The following WNT7B variants were observed in gnomAD, a reference collection of about 807,000 sequenced individuals.
The protein encoded by WNT7B is protein Wnt-7b.
WNT7B carries 19 observed loss-of-function variants against 38.2 expected under a neutral mutation model. That is an observed-to-expected ratio of 0.50 (90% CI 0.35 to 0.73). The LOEUF (loss-of-function observed/expected upper bound fraction) is 0.73. Ranked by LOEUF, WNT7B falls within the 30% of genes least tolerant of loss-of-function variation. The pLI, the probability that WNT7B is intolerant of heterozygous loss-of-function variation, is 0.01. For missense variants in WNT7B, 423 were observed against 507.9 expected (o/e 0.83, Z 1.61); for synonymous variants, 243 against 209.3 (o/e 1.16, Z -1.39).
intron 2 of WNT7B, among the ~76,000 whole-genome samples, chr22:45,939,639 ACACACACACT>A (rs917903979): frequency 1.6e-4 from 24 of 146,304 alleles, no homozygotes; most frequent in African/African-American, 5.4e-4. Flanking sequence ...ACAAACACAC[ACACACACACT>A]CACACACACA....
At chr22:45,927,411 A>G in intron 3 of WNT7B, 2 of 1,535,990 alleles carry the variant, frequency 1.3e-6, no homozygotes, top group Non-Finnish European at 1.8e-6. Flanking sequence ...CCCATCAGGG[A>G]CACCAGCCTG....
intron 2 of WNT7B, among the ~76,000 whole-genome samples, chr22:45,943,780 G>A (rs1457597790): frequency 1.3e-5 from 2 of 152,216 alleles, no homozygotes; most frequent in African/African-American, 4.8e-5. Flanking sequence ...ACAGGGCCCA[G>A]CCCAGGCGGG....
chr22:45,922,570 C>A lies in WNT7B; in HGVS notation c.*286G>T. 2.2e-6 allele frequency: 1 copy of A among 459,220 alleles called. No individual in the cohort carries two copies. The highest frequency in any genetic ancestry group is 3.9e-6 in the Non-Finnish European group (1 of 257,912). The allele number at this position is 459,220 out of a possible 1,614,324, so 28.4% of individuals were successfully genotyped here. On this transcript the variant is annotated 3_prime_UTR_variant, in exon 4 of 4. Coordinates refer to ENST00000339464, the MANE Select transcript of WNT7B (RefSeq NM_058238.3). The stretch of plus-strand genomic sequence containing the variant: ...ATTTTCCCAGAGAGAAGAAAGAGAA[C>A]TTGCCGGGCCCCGTCGGGGAGCACC...
rs147287645 is a variant in WNT7B, at chr22:45,923,323, G to A, written c.583C>T (p.Arg195Trp). The change falls in exon 4 of 4, where the codon CGG becomes TGG. Residue 195 changes from arginine to tryptophan, a missense_variant. Physicochemically the swap from Arg to Trp is moderately radical, Grantham distance 101. Coordinates refer to ENST00000339464, the MANE Select transcript of WNT7B (RefSeq NM_058238.3). ...NEAGRKVLEDRMQLECKCHGV... is the reference protein window; with the variant it reads ...NEAGRKVLEDWMQLECKCHGV... Reference sequence around the variant, plus strand: ...TGGCACTTGCACTCCAGCTGCATCCGGTCCTCTAGAACCTGCGGGTGACAG... The same window carrying A: ...TGGCACTTGCACTCCAGCTGCATCCAGTCCTCTAGAACCTGCGGGTGACAG... 34 of 1,605,480 alleles carry A rather than the reference G, an allele frequency of 2.1e-5. No individual in the cohort carries two copies. The highest frequency in any genetic ancestry group is 1.2e-4 in the African/African-American group (9 of 74,854).
At chr22:45,933,166 T>G (rs888623244) in intron 2 of WNT7B, among the ~76,000 whole-genome samples, 3 of 152,168 alleles carry the variant, frequency 2.0e-5, no homozygotes, top group Admixed American at 6.5e-5. Flanking sequence ...GCTGTCTGTC[T>G]GCCGTCATGG....
chr22:45,957,763 G>C (rs1362495401), intron 1 of WNT7B, among the ~76,000 whole-genome samples: 2 of 148,494 alleles, frequency 1.3e-5, no homozygotes, highest in Admixed American at 1.3e-4. Context: ...TCATGCCCGT[G>C]TGCTTTGTAT....
intron 1 of WNT7B, among the ~76,000 whole-genome samples, chr22:45,973,509 C>T (rs1343355849): frequency 1.3e-5 from 2 of 152,192 alleles, no homozygotes; most frequent in Non-Finnish European, 2.9e-5. Context: ...GGCTCTCGGG[C>T]CCCTCTGCTT....
intron 3 of WNT7B, among the ~76,000 whole-genome samples, chr22:45,924,131 T>C (rs183982010): frequency 1.3e-5 from 2 of 152,326 alleles, no homozygotes; most frequent in Admixed American, 1.3e-4. Flanking sequence ...TGGGGAATTA[T>C]TAGCTGGCGC....
At chr22:45,967,317 C>T (rs1427637200) in intron 1 of WNT7B, among the ~76,000 whole-genome samples, 1 of 152,154 alleles carries the variant, frequency 6.6e-6, no homozygotes, top group Admixed American at 6.5e-5. Context: ...AGCTGAGCCC[C>T]ATCTGAGCCG....
In WNT7B at chr22:45,949,902, G is replaced by A; in HGVS notation, c.298+18C>T. On this transcript the variant is annotated intron_variant, in intron 2 of 3. Transcript: ENST00000339464. ...TGGCCACAATGGCTGGGCCCCTTGA[G>A]CCCAGAGGCGCCCTTACCTACTCGG... 6.3e-7 allele frequency: 1 copy of A among 1,599,162 alleles called. No homozygotes were observed. Among genetic ancestry groups the A allele is most frequent in the Non-Finnish European group, 8.6e-7 (1 of 1,169,368 alleles).
Position 45,950,078 on chromosome 22 carries a change from C to T in WNT7B, c.140G>A (p.Arg47Gln), listed in dbSNP as rs765595378. 3.7e-6 allele frequency: 6 copies of T among 1,614,038 alleles called. No individual in the cohort carries two copies. The South Asian group carries it at 4.4e-5, about 12-fold the overall frequency. The change falls in exon 2 of 4, where the codon CGG (arginine) becomes CAG (glutamine). Residue 47 changes from arginine to glutamine, a missense_variant. By Grantham distance (43) the Arg-to-Gln change is conservative. Transcript: ENST00000339464. The stretch of plus-strand genomic sequence containing the variant: ...CCGACTCTGGCAGATGGCACGCTGC[C>T]GCGGGGCTAGGCCAGGAATCTTGTT... Reference protein sequence around the residue: ...ICNKIPGLAPRQRAICQSRPD... With the variant: ...ICNKIPGLAPQQRAICQSRPD...
intron 3 of WNT7B, among the ~76,000 whole-genome samples, chr22:45,929,488 C>T (rs1167741982): frequency 1.8e-5 from 2 of 111,002 alleles, no homozygotes; most frequent in East Asian, 4.6e-4. Flanking sequence ...ATCTGTACAT[C>T]CACCCACCCA....
chr22:45,968,355 C>A (rs1203738796), intron 1 of WNT7B, among the ~76,000 whole-genome samples: 1 of 152,134 alleles, frequency 6.6e-6, no homozygotes, highest in Admixed American at 6.5e-5. Flanking sequence ...TGCACACCGA[C>A]CACACCAGGC....
intron 3 of WNT7B, chr22:45,925,942 C>T: frequency 2.0e-6 from 2 of 985,372 alleles, no homozygotes; most frequent in Non-Finnish European, 2.4e-6. Context: ...GATGGCTGCC[C>T]CTGGTACTGT....
In WNT7B at chr22:45,920,798, G is replaced by A. The variant is rs966991401; in HGVS notation, c.*2058C>T. The stretch of plus-strand genomic sequence containing the variant: ...CAGCCATCCCCCTCTCCGGTACCCA[G>A]TGTAGGTCACAATAATTTAAAGACA... On this transcript the variant is annotated 3_prime_UTR_variant, in exon 4 of 4. Transcript: ENST00000339464. The A allele has an allele frequency of 1.3e-5, 2 of 151,992 alleles. No individual in the cohort carries two copies. Among genetic ancestry groups the A allele is most frequent in the African/African-American group, 4.8e-5 (2 of 41,344 alleles). 9.4% of individuals were successfully genotyped at this position (151,992 alleles called of 1,614,324 possible).
intron 1 of WNT7B, among the ~76,000 whole-genome samples, chr22:45,957,095 A>C: frequency 8.2e-6 from 1 of 121,534 alleles, no homozygotes; most frequent in Non-Finnish European, 1.6e-5. Flanking sequence ...ACAGAGCGAG[A>C]CTCTGTCTCA....
intron 1 of WNT7B, among the ~76,000 whole-genome samples, chr22:45,963,180 C>T (rs1487478535): frequency 6.6e-6 from 1 of 152,198 alleles, no homozygotes; most frequent in East Asian, 1.9e-4. Flanking sequence ...AGAGCCAGGC[C>T]AGCCCCACAC....
chr22:45,929,642 A>ATC (rs200261382), intron 3 of WNT7B, among the ~76,000 whole-genome samples: 20 of 85,124 alleles, frequency 2.3e-4, no homozygotes, highest in Admixed American at 1.2e-3. Flanking sequence ...CCATGCATCC[A>ATC]CTCATCCATC....
chr22:45,958,745 C>A (rs1932129588), intron 1 of WNT7B, among the ~76,000 whole-genome samples: 1 of 152,174 alleles, frequency 6.6e-6, no homozygotes, highest in Non-Finnish European at 1.5e-5. Context: ...TCAACCCTGC[C>A]CCTGGGACAT....
Sources: gnomAD v4.1 joint callset for allele counts (sites outside exome capture counted in the v4.1 genomes callset) on GRCh38, gnomAD v4.1.1 for gene constraint, MANE v1.5 for transcripts, NCBI Gene and HGNC (gene_info 2026-07-23, HGNC 2026-07-21) for gene names.